Variants in POC1A observed in about 807,000 individuals in gnomAD.
POC1A encodes the protein POC1 centriolar protein homolog A.
A neutral mutation model predicts 47.8 loss-of-function variants in POC1A; 34 were observed. The observed-to-expected ratio is 0.71, with a 90% CI of 0.54 to 0.95. The LOEUF (loss-of-function observed/expected upper bound fraction) is 0.95, where lower values mean the gene tolerates loss of function less well. Among genes scored for constraint, POC1A ranks in the 40% least tolerant of loss-of-function variants. The pLI is 0.00. For missense variants in POC1A, 466 were observed against 528.3 expected, an observed-to-expected ratio of 0.88 and a Z score of 1.16; for synonymous variants, 177 against 207.6, an observed-to-expected ratio of 0.85 and a Z score of 1.27.
intron 9 of POC1A, among the ~76,000 whole-genome samples, chr3:52,122,042 G>A (rs986790284): frequency 3.3e-5 from 5 of 152,192 alleles, no homozygotes; most frequent in African/African-American, 9.7e-5. Flanking sequence ...TTTGGGTCCT[G>A]TGACCCAGGG....
At position 52,084,537 on chromosome 3, in the gene POC1A, A is replaced by T. The variant is rs1431615375; in HGVS notation, c.1126-8552T>A. 6.6e-6 allele frequency among the ~76,000 whole-genome samples: 1 copy of T among 152,210 alleles called. No individual in the cohort carries two copies. Among genetic ancestry groups the T allele is most frequent in the African/African-American group, 2.4e-5 (1 of 41,444 alleles). On this transcript the variant is annotated intron_variant, in intron 10 of 10. Coordinates refer to ENST00000296484, the MANE Select transcript of POC1A (RefSeq NM_015426.5). This position sits in a 1 kb window ranked among gnomAD's most constrained non-coding sequence, Gnocchi z 4.3. ...CACCGGTCCTGTCTAGGCTGCGAGG[A>T]AAGCTACTCCACCACCACTGACAGC...
At chr3:52,135,123 C>T (rs1391665840) in intron 7 of POC1A, among the ~76,000 whole-genome samples, 1 of 152,240 alleles carries the variant, frequency 6.6e-6, no homozygotes, top group Admixed American at 6.5e-5. Flanking sequence ...TGTCAGCAGG[C>T]CCCTGTGATG....
chr3:52,154,255 GCGCC>G, intron 1 of POC1A, 96 bp downstream of exon 1: 1 of 1,313,276 alleles, frequency 7.6e-7, no homozygotes, highest in Non-Finnish European at 1.1e-6. Flanking sequence ...CTGGAACCTG[GCGCC>G]CCGCCCGCCC....
chr3:52,099,024 C>T (rs559727995), intron 9 of POC1A, among the ~76,000 whole-genome samples: 1 of 152,322 alleles, frequency 6.6e-6, no homozygotes, highest in East Asian at 1.9e-4. Context: ...TGGCAGGTGA[C>T]ATTGACTGCA....
At chr3:52,137,527 T>A (rs1704520856) in intron 7 of POC1A, among the ~76,000 whole-genome samples, 1 of 152,032 alleles carries the variant, frequency 6.6e-6, no homozygotes, top group Non-Finnish European at 1.5e-5. Context: ...CACTACTTCC[T>A]AGTGGAAGTA....
chr3:52,151,175 C>A, intron 1 of POC1A, 75 bp from the exon 2 acceptor site: 1 of 1,601,358 alleles, frequency 6.2e-7, no homozygotes, highest in Non-Finnish European at 8.5e-7. Flanking sequence ...ACTCTTCCTA[C>A]AACAGCCGGG....
intron 9 of POC1A, among the ~76,000 whole-genome samples, chr3:52,098,939 C>T (rs984388290): frequency 3.3e-5 from 5 of 152,150 alleles, no homozygotes; most frequent in African/African-American, 7.2e-5. Flanking sequence ...GTAACTTGTT[C>T]TAAGTTACCC....
Position 52,078,596 on chromosome 3 carries a change from C to T in POC1A, c.1126-2611G>A, listed in dbSNP as rs572265267. The stretch of plus-strand genomic sequence containing the variant: ...CGCGATCTCGGCTCACGACAAGCTC[C>T]GCCTCCCGGGTTCATGCCATTCTCC... On this transcript the variant is annotated intron_variant, in intron 10 of 10. Transcript: ENST00000296484. Among the ~76,000 whole-genome samples the T allele has an allele frequency of 5.3e-5, 8 of 150,762 alleles. No homozygotes were observed. The South Asian group carries it at 6.3e-4, about 12-fold the overall frequency.
intron 8 of POC1A, among the ~76,000 whole-genome samples, chr3:52,123,018 T>G (rs544333141): frequency 1.6e-4 from 24 of 152,334 alleles, no homozygotes; most frequent in African/African-American, 5.5e-4. Context: ...GCCAGAACAC[T>G]CCTTACTGAA....
chr3:52,148,074 G>A (rs1698428966), intron 4 of POC1A, among the ~76,000 whole-genome samples: 1 of 152,228 alleles, frequency 6.6e-6, no homozygotes, highest in South Asian at 2.1e-4. Context: ...GCAGCCGACT[G>A]CCTGCCGGCA....
At chr3:52,129,859 C>G (rs1177174354) in intron 7 of POC1A, among the ~76,000 whole-genome samples, 1 of 152,254 alleles carries the variant, frequency 6.6e-6, no homozygotes, top group Non-Finnish European at 1.5e-5. Context: ...CTTCTGTTGC[C>G]AATTTCCAGA....
intron 9 of POC1A, among the ~76,000 whole-genome samples, chr3:52,107,346 C>A (rs1471679032): frequency 6.6e-6 from 1 of 152,212 alleles, no homozygotes; most frequent in Non-Finnish European, 1.5e-5. Context: ...CAGGAGGAAG[C>A]AGGTCCATCC....
rs112213336 is a variant in POC1A, at chr3:52,149,838, C to G, written c.253G>C (p.Val85Leu). Residue 85 changes from valine to leucine, a missense_variant, in exon 3 of 11, where the codon GTC (valine) becomes CTC (leucine). Transcript: ENST00000296484. The part of the protein sequence containing the change: ...LLASGSRDKT[V>L]RIWVPNVKGE... ...CACACATTGGGTACCCAGATGCGGACAGTCTTGTCTCGGGAGCCGGAAGCA... is the reference window on the plus strand; with the variant it reads ...CACACATTGGGTACCCAGATGCGGAGAGTCTTGTCTCGGGAGCCGGAAGCA... 2.2e-4 allele frequency: 358 copies of G among 1,613,686 alleles called. No homozygotes were observed. The Middle Eastern group carries it at 2.5e-3, about 11-fold the overall frequency.
intron 9 of POC1A, among the ~76,000 whole-genome samples, chr3:52,098,016 G>A (rs887593818): frequency 6.6e-6 from 1 of 152,232 alleles, no homozygotes; most frequent in African/African-American, 2.4e-5. Context: ...GTTCTGTCAG[G>A]AGACACAGCA....
At position 52,149,302 on chromosome 3, in the gene POC1A, G is replaced by A. The variant is rs766255888; in HGVS notation, c.363C>T (p.Ala121=). Residue 121 remains alanine (A), a synonymous_variant, in exon 4 of 11, where the codon GCC becomes GCT. Transcript: ENST00000296484. Reference sequence around the variant, plus strand: ...ACACTTTGACTGTCTTGTCGTCAGAGGCTGTCACGAAGGACTGGCCATCAC... The same window carrying A: ...ACACTTTGACTGTCTTGTCGTCAGAAGCTGTCACGAAGGACTGGCCATCAC... ...FCSDGQSFVT[A]SDDKTVKVWA... The A allele has an allele frequency of 3.7e-6, 6 of 1,614,080 alleles. No individual in the cohort carries two copies. Among genetic ancestry groups the A allele is most frequent in the Admixed American group, 3.3e-5 (2 of 60,008 alleles).
intron 9 of POC1A, among the ~76,000 whole-genome samples, chr3:52,109,350 C>T (rs536017464): frequency 3.0e-4 from 45 of 152,040 alleles, no homozygotes; most frequent in Non-Finnish European, 6.0e-4. Context: ...GTGGGGGAAA[C>T]AGATGAAATG....
intron 3 of POC1A, 25 bp from the exon 4 acceptor site, chr3:52,149,414 A>C (rs1313454545): frequency 1.9e-6 from 3 of 1,609,156 alleles, no homozygotes; most frequent in Non-Finnish European, 2.6e-6. Flanking sequence ...ATCCAAGAGT[A>C]AGGAAACCCA....
At chr3:52,086,921 G>C (rs1702474901) in intron 10 of POC1A, among the ~76,000 whole-genome samples, 1 of 152,242 alleles carries the variant, frequency 6.6e-6, no homozygotes, top group Non-Finnish European at 1.5e-5. Flanking sequence ...GTACTGACTG[G>C]ATGGACAAAT....
chr3:52,090,298 C>T lies in POC1A; in HGVS notation c.1125+6271G>A, dbSNP rs1340698357. ...CAGTTGGAGCAGGAATTTCATGGCT[C>T]GGTATTTTTAAAAAGCAGCAAGACG... On this transcript the variant is annotated intron_variant, in intron 10 of 10. Coordinates refer to ENST00000296484, the MANE Select transcript of POC1A (RefSeq NM_015426.5). The surrounding 1 kb of genome is among the most constrained non-coding windows in gnomAD (Gnocchi z 4.2). Among the ~76,000 whole-genome samples the T allele has an allele frequency of 2.0e-5, 3 of 152,140 alleles. No homozygotes were observed. The highest frequency in any genetic ancestry group is 4.4e-5 in the Non-Finnish European group (3 of 68,036).
Sources: allele counts gnomAD v4.1 joint callset (sites outside exome capture counted in the v4.1 genomes callset), GRCh38; gene constraint gnomAD v4.1.1; non-coding constraint Gnocchi (gnomAD v3.1); transcripts MANE v1.5; gene names NCBI Gene and HGNC (gene_info 2026-07-23, HGNC 2026-07-21).